The following NOS1 variants were observed in gnomAD, a reference collection of about 807,000 sequenced individuals.
NOS1 encodes the protein nitric oxide synthase 1, also known as NOS type I.
NOS1 carries 51 observed loss-of-function variants against 164.5 expected under a neutral mutation model. The observed-to-expected ratio is 0.31, with a 90% confidence interval of 0.25 to 0.39. NOS1 has a LOEUF of 0.39. NOS1 is among the 10% of genes least tolerant of loss of function. NOS1 has a pLI of 1.00. For missense variants in NOS1, 1,362 were observed against 1,885.6 expected, an observed-to-expected ratio of 0.72 and a Z score of 5.14; for synonymous variants, 719 against 745.8, an observed-to-expected ratio of 0.96 and a Z score of 0.59.
intron 1 of NOS1, among the ~76,000 whole-genome samples, chr12:117,354,757 T>C (rs959856951): frequency 2.0e-5 from 3 of 152,272 alleles, no homozygotes; most frequent in South Asian, 4.1e-4. Context: ...ATGAGCTACC[T>C]TGAGGGTAGG....
At chr12:117,237,166 AT>A (rs565343189) in intron 20 of NOS1, among the ~76,000 whole-genome samples, 3 of 150,994 alleles carry the variant, frequency 2.0e-5, no homozygotes, top group Non-Finnish European at 4.4e-5. Context: ...TATTATTTTT[AT>A]TTTTTTTTGA....
chr12:117,307,899 C>T (rs1874233122), intron 3 of NOS1, among the ~76,000 whole-genome samples: 1 of 151,774 alleles, frequency 6.6e-6, no homozygotes, highest in Non-Finnish European at 1.5e-5. Context: ...CCTGTAATTC[C>T]AGCTACTCAG....
chr12:117,346,902 TATCA>T (rs1215115060), intron 1 of NOS1, among the ~76,000 whole-genome samples: 1 of 152,242 alleles, frequency 6.6e-6, no homozygotes, highest in African/African-American at 2.4e-5. Context: ...GGTCAGATTC[TATCA>T]AAGACAGCCC....
intron 21 of NOS1, among the ~76,000 whole-genome samples, chr12:117,232,762 G>T (rs9658487): frequency 1.2e-4 from 19 of 152,142 alleles, no homozygotes; most frequent in Admixed American, 1.2e-3. Flanking sequence ...CATCCAATAC[G>T]TCCCTAAATA....
rs1002773462 is a variant in NOS1, at chr12:117,208,355, G to T, written c.*6954C>A. On this transcript the variant is annotated 3_prime_UTR_variant, in exon 29 of 29. Coordinates refer to ENST00000317775, the MANE Select transcript of NOS1 (RefSeq NM_000620.5). ...TTGGCAGAGATTAGCAGCATTGAGA[G>T]CTCAGAGGTAGGGGGGACGGCCGAG... 83 of 1,287,554 alleles carry T rather than the reference G, an allele frequency of 6.4e-5. No homozygotes were observed. The highest frequency in any genetic ancestry group is 7.8e-5 in the Non-Finnish European group (77 of 988,418). 79.8% of individuals were successfully genotyped at this position (1,287,554 alleles called of 1,614,324 possible).
chr12:117,322,077 CCTTT>C (rs1874966732), intron 2 of NOS1, among the ~76,000 whole-genome samples: 1 of 132,816 alleles, frequency 7.5e-6, no homozygotes, highest in South Asian at 2.8e-4. Flanking sequence ...TCCCTCCCTC[CCTTT>C]CTCTCTTCTT....
chr12:117,279,949 C>T (rs184498841), intron 8 of NOS1, among the ~76,000 whole-genome samples: 48 of 152,222 alleles, frequency 3.2e-4, no homozygotes, highest in African/African-American at 1.1e-3. Context: ...AGGTACCACC[C>T]GGGAGGGGCT....
intron 11 of NOS1, 127 bp downstream of exon 11, chr12:117,267,916 C>G (rs1592969654): frequency 1.5e-6 from 1 of 651,964 alleles, no homozygotes; most frequent in East Asian, 2.7e-5. Flanking sequence ...CTAGACCATA[C>G]TCATGGACAC....
At chr12:117,358,875 G>C (rs956311883) in intron 1 of NOS1, among the ~76,000 whole-genome samples, 1 of 152,256 alleles carries the variant, frequency 6.6e-6, no homozygotes, top group African/African-American at 2.4e-5. Context: ...AGGAAATACA[G>C]CTGTGTGTGC....
chr12:117,246,265 T>C, intron 18 of NOS1: 1 of 153,294 alleles, frequency 6.5e-6, no homozygotes. Flanking sequence ...CTGAAGGAAG[T>C]CAGGAATGGG....
At chr12:117,224,225 C>T (rs1051828610) in intron 25 of NOS1, among the ~76,000 whole-genome samples, 3 of 152,190 alleles carry the variant, frequency 2.0e-5, no homozygotes, top group Non-Finnish European at 2.9e-5. Flanking sequence ...TATGCCCCAA[C>T]GCCTCCAATA....
intron 11 of NOS1, among the ~76,000 whole-genome samples, chr12:117,267,603 G>C (rs887071880): frequency 1.4e-5 from 2 of 147,356 alleles, no homozygotes; most frequent in East Asian, 2.0e-4. Context: ...AAAAAAAAAA[G>C]TGTTGTGGCT....
At chr12:117,236,576 G>A (rs1363231231) in intron 20 of NOS1, among the ~76,000 whole-genome samples, 1 of 152,150 alleles carries the variant, frequency 6.6e-6, no homozygotes, top group Non-Finnish European at 1.5e-5. Context: ...CCTTCTCAGA[G>A]CTCACACCAG....
intron 14 of NOS1, among the ~76,000 whole-genome samples, chr12:117,259,807 G>T (rs563984496): frequency 6.6e-6 from 1 of 152,256 alleles, no homozygotes; most frequent in East Asian, 1.9e-4. Context: ...GCTCTGGGAA[G>T]TCCTGCCACA....
intron 18 of NOS1, chr12:117,245,432 A>C (rs1870542775): frequency 1.3e-5 from 2 of 152,212 alleles, no homozygotes; most frequent in Admixed American, 6.5e-5. Flanking sequence ...TGCACTGTCT[A>C]ATAGGGTAAC....
At chr12:117,306,273 A>C (rs1373946147) in intron 3 of NOS1, among the ~76,000 whole-genome samples, 1 of 152,080 alleles carries the variant, frequency 6.6e-6, no homozygotes, top group African/African-American at 2.4e-5. Flanking sequence ...CCCTTTCTCC[A>C]GCACCCTCAA....
chr12:117,307,517 G>A (rs796635518), intron 3 of NOS1, among the ~76,000 whole-genome samples: 10 of 152,068 alleles, frequency 6.6e-5, no homozygotes, highest in African/African-American at 2.4e-4. Context: ...CACGCCACCA[G>A]GCCCAGTTAA....
chr12:117,256,012 G>A lies in NOS1; in HGVS notation c.2532-2258C>T, dbSNP rs11068428. 444,713 of 1,454,318 alleles carry A rather than the reference G, an allele frequency of 0.31. 70,987 individuals carry two copies. The highest frequency in any genetic ancestry group is 0.53 in the Admixed American group (18,403 of 34,446). The allele number at this position is 1,454,318 out of a possible 1,614,324, so 90.1% of individuals were successfully genotyped here. ...TTGGGGAGGGGAGGCCCTTTACGGG[G>A]AAAGAAACGCAAGGGTTCCGGGTAC... On this transcript the variant is annotated intron_variant, in intron 16 of 28. Coordinates refer to ENST00000317775, the MANE Select transcript of NOS1 (RefSeq NM_000620.5).
intron 6 of NOS1, 136 bp downstream of exon 6, chr12:117,285,968 G>A (rs554642090): frequency 2.3e-5 from 21 of 902,464 alleles, no homozygotes; most frequent in Middle Eastern, 7.1e-4. Flanking sequence ...GTGGGACCCC[G>A]TGACCATCAT....
Sources: gnomAD v4.1 joint callset for allele counts (sites outside exome capture counted in the v4.1 genomes callset) on GRCh38, gnomAD v4.1.1 for gene constraint, MANE v1.5 for transcripts, NCBI Gene and HGNC (gene_info 2026-07-23, HGNC 2026-07-21) for gene names.